GID4: variants seen among roughly 807,000 people sequenced by gnomAD.
GID4 encodes the protein GID complex subunit 4 homolog.
In GID4, 7 loss-of-function variants were observed where a neutral mutation model predicts 32.4. The observed-to-expected ratio is 0.22, with a 90% CI of 0.12 to 0.41. The LOEUF (loss-of-function observed/expected upper bound fraction) is 0.41. Ranked by LOEUF, GID4 falls within the 10% of genes least tolerant of loss-of-function variation. GID4 has a pLI of 1.00. For missense variants in GID4, 309 were observed against 400.0 expected (o/e 0.77, Z 1.94); for synonymous variants, 166 against 170.0 (o/e 0.98, Z 0.18).
At position 18,065,279 on chromosome 17, in the gene GID4, T is replaced by G. The variant is rs374407060; in HGVS notation, c.*36T>G. The G allele has an allele frequency of 2.8e-4, 443 of 1,559,604 alleles. No individual in the cohort carries two copies. Among genetic ancestry groups the G allele is most frequent in the Middle Eastern group, 8.4e-4 (5 of 5,974 alleles). ...GAACAGCAACCAAATAAAACTGAAC[T>G]TGGCAAAAAAGAACTTTGCCGAGAA... On this transcript the variant is annotated 3_prime_UTR_variant, in exon 6 of 6. Transcript: ENST00000268719.
chr17:18,042,122 C>T (rs1410730995), intron 1 of GID4, among the ~76,000 whole-genome samples: 3 of 152,214 alleles, frequency 2.0e-5, no homozygotes, highest in Non-Finnish European at 4.4e-5. Flanking sequence ...CCTTTTATAA[C>T]TCAGCTTCTT....
chr17:18,065,258 A>G lies in GID4; in HGVS notation c.*15A>G, dbSNP rs754951439. ...AATTCCGGTGACAACGGTTCAGAAC[A>G]GCAACCAAATAAAACTGAACTTGGC... On this transcript the variant is annotated 3_prime_UTR_variant, in exon 6 of 6. Coordinates refer to ENST00000268719, the MANE Select transcript of GID4 (RefSeq NM_024052.5). 1 of 1,606,452 alleles carries G rather than the reference A, an allele frequency of 6.2e-7. No individual in the cohort carries two copies. Among genetic ancestry groups the G allele is most frequent in the South Asian group, 1.1e-5 (1 of 90,908 alleles).
intron 2 of GID4, among the ~76,000 whole-genome samples, chr17:18,047,208 A>G (rs2044863060): frequency 6.6e-6 from 1 of 152,232 alleles, no homozygotes; most frequent in Non-Finnish European, 1.5e-5. Flanking sequence ...CAAATCAAGT[A>G]GGAGTAGAAG....
chr17:18,039,586 G>GCCCCAC lies in GID4; in HGVS notation c.126_127insACCCCC (p.Pro42_Ser43insThrPro). The GCCCCAC allele has an allele frequency of 7.7e-7, 1 of 1,296,666 alleles. No individual in the cohort carries two copies. Among genetic ancestry groups the GCCCCAC allele is most frequent in the Non-Finnish European group, 9.7e-7 (1 of 1,026,394 alleles). The allele number at this position is 1,296,666 out of a possible 1,614,324, so 80.3% of individuals were successfully genotyped here. On this transcript the variant is annotated inframe_insertion, in exon 1 of 6. Coordinates refer to ENST00000268719, the MANE Select transcript of GID4 (RefSeq NM_024052.5). The surrounding 1 kb of genome is among the most constrained non-coding windows in gnomAD (Gnocchi z 5.3). Reference sequence around the variant, plus strand: ...CTCCGCAGGCAGCGGGCGGGTGGTCGCCCCTCCCGCCCCCACCCCGCGCGT... The same window carrying GCCCCAC: ...CTCCGCAGGCAGCGGGCGGGTGGTCGCCCCACCCCCTCCCGCCCCCACCCCGCGCGT...
chr17:18,046,640 G>A (rs2044855460), intron 2 of GID4, among the ~76,000 whole-genome samples: 1 of 151,806 alleles, frequency 6.6e-6, no homozygotes. Context: ...AAAAAATTGG[G>A]GTCGGGCGTG....
intron 2 of GID4, among the ~76,000 whole-genome samples, chr17:18,049,472 A>G (rs1348176904): frequency 6.6e-6 from 1 of 151,640 alleles, no homozygotes; most frequent in African/African-American, 2.4e-5. Flanking sequence ...TTGGGTGTAC[A>G]TGCGCAGGTT....
intron 2 of GID4, among the ~76,000 whole-genome samples, chr17:18,051,813 G>A (rs935766441): frequency 1.3e-5 from 2 of 151,988 alleles, no homozygotes; most frequent in Admixed American, 1.3e-4. Flanking sequence ...GGTGGCTCAC[G>A]CCTGTAATCC....
chr17:18,063,342 G>A (rs1022029619), intron 5 of GID4, among the ~76,000 whole-genome samples: 19 of 151,918 alleles, frequency 1.3e-4, no homozygotes, highest in Non-Finnish European at 2.2e-4. Flanking sequence ...CCTCGGAGGC[G>A]GAGGTTGCGG....
At position 18,066,451 on chromosome 17, in the gene GID4, A is replaced by AGTGTGT. The variant is rs10648639; in HGVS notation, c.*1237_*1242dup. 3,062 of 146,696 alleles carry AGTGTGT rather than the reference A, an allele frequency of 0.021. 36 individuals are homozygous for AGTGTGT. The highest frequency in any genetic ancestry group is 0.044 in the South Asian group (196 of 4,500). The allele number at this position is 146,696 out of a possible 1,614,324, so 9.1% of individuals were successfully genotyped here. On this transcript the variant is annotated 3_prime_UTR_variant, in exon 6 of 6. Coordinates refer to ENST00000268719, the MANE Select transcript of GID4 (RefSeq NM_024052.5). ...AAATAACTCGAGGCTCACGTGCCAA[A>AGTGTGT]GTGTGTGTGTGTGTGTGTGTGTGTG... is the stretch of plus-strand genomic sequence containing the variant.
intron 3 of GID4, among the ~76,000 whole-genome samples, chr17:18,055,499 T>C (rs1316174674): frequency 6.6e-6 from 1 of 152,154 alleles, no homozygotes; most frequent in African/African-American, 2.4e-5. Flanking sequence ...TAAAAAAAAT[T>C]TTTTTTAGAG....
intron 2 of GID4, among the ~76,000 whole-genome samples, chr17:18,049,140 A>T (rs911857576): frequency 6.6e-6 from 1 of 151,334 alleles, no homozygotes; most frequent in African/African-American, 2.4e-5. Context: ...GTTTGAGACC[A>T]GCTTGGACAA....
rs1282159183 is a variant in GID4, at chr17:18,066,365, C to T, written c.*1122C>T. 1 of 152,214 alleles carries T rather than the reference C, an allele frequency of 6.6e-6. No homozygotes were observed. The highest frequency in any genetic ancestry group is 1.9e-4 in the East Asian group (1 of 5,178). The allele number at this position is 152,214 out of a possible 1,614,324, so 9.4% of individuals were successfully genotyped here. ...ATGAGGCAGAAGGGGTCGTCGTTCTCTGAAAACAGTGACTCTGAAATGTTG... is the reference window on the plus strand; with the variant it reads ...ATGAGGCAGAAGGGGTCGTCGTTCTTTGAAAACAGTGACTCTGAAATGTTG... On this transcript the variant is annotated 3_prime_UTR_variant, in exon 6 of 6. Transcript: ENST00000268719.
In GID4 at chr17:18,058,890, A is replaced by T. The variant is rs1015548587; in HGVS notation, c.629A>T (p.Gln210Leu). Residue 210 changes from glutamine (Q) to leucine (L), a missense_variant, in exon 4 of 6, where the codon CAG (glutamine) becomes CTG (leucine). This residue lies in a region of GID4 where 116 missense variants were observed against 214.2 expected (regional missense o/e 0.54). Transcript: ENST00000268719. ...KHWGKFLAFY[Q>L]YAKSFNSDDF... ...CAGGGCAAGTTTCTGGCTTTTTATC[A>T]GTATGCAAAATCATTTAACTCAGAT... is the stretch of plus-strand genomic sequence containing the variant. 2 of 1,611,724 alleles carry T rather than the reference A, an allele frequency of 1.2e-6. No homozygotes were observed. The highest frequency in any genetic ancestry group is 1.7e-6 in the Non-Finnish European group (2 of 1,178,042).
intron 2 of GID4, among the ~76,000 whole-genome samples, chr17:18,050,302 A>G (rs921520781): frequency 1.6e-4 from 24 of 152,258 alleles, no homozygotes; most frequent in African/African-American, 5.8e-4. Flanking sequence ...GAATTGCCAC[A>G]TTGCAAAACG....
intron 3 of GID4, among the ~76,000 whole-genome samples, chr17:18,054,596 G>C (rs1019765025): frequency 2.0e-5 from 3 of 152,092 alleles, no homozygotes; most frequent in Non-Finnish European, 4.4e-5. Flanking sequence ...TGTGAAACAT[G>C]CAATGATGAC....
intron 1 of GID4, among the ~76,000 whole-genome samples, chr17:18,042,156 T>C (rs1270836867): frequency 6.6e-6 from 1 of 152,246 alleles, no homozygotes; most frequent in Non-Finnish European, 1.5e-5. Flanking sequence ...TTTTGTTTTC[T>C]TTCTTTCTTT....
chr17:18,041,374 CTT>C lies in GID4; in HGVS notation c.438+1475_438+1476del, dbSNP rs1328391765. ...TGCTAACTGCGGAGCACTCATCACT[CTT>C]TTATTCTCATACTGCTTTGTGGGAA... On this transcript the variant is annotated intron_variant, in intron 1 of 5. Transcript: ENST00000268719. Among the ~76,000 whole-genome samples the C allele has an allele frequency of 2.0e-5, 3 of 152,318 alleles. No homozygotes were observed. The East Asian group carries it at 5.8e-4, about 29-fold the overall frequency.
At chr17:18,054,002 T>C in intron 2 of GID4, 125 bp from the exon 3 acceptor site, 1 of 522,922 alleles carries the variant, frequency 1.9e-6, no homozygotes, top group Non-Finnish European at 3.4e-6. Flanking sequence ...TAACTCTGGT[T>C]TGGATTGTCA....
chr17:18,059,046 A>C, intron 4 of GID4, 77 bp downstream of exon 4: 2 of 801,696 alleles, frequency 2.5e-6, no homozygotes, highest in Non-Finnish European at 4.3e-6. Flanking sequence ...CACTCTAACC[A>C]AGGGCTCCCC....
Sources: gnomAD v4.1 joint callset for allele counts (sites outside exome capture counted in the v4.1 genomes callset) on GRCh38, gnomAD v4.1.1 for gene constraint, gnomAD v4.1.1 regional missense constraint, Gnocchi (gnomAD v3.1) non-coding constraint, MANE v1.5 for transcripts, NCBI Gene and HGNC (gene_info 2026-07-23, HGNC 2026-07-21) for gene names.